Variants in C12orf42 observed in about 807,000 individuals in gnomAD.
C12orf42 encodes the protein uncharacterized protein C12orf42.
A neutral mutation model predicts 21.6 loss-of-function variants in C12orf42; 25 were observed. The ratio of observed to expected loss-of-function variants is 1.16; its 90% CI spans 0.84 to 1.62. The LOEUF is 1.62. Among genes scored for constraint, C12orf42 ranks in the 40% most tolerant of loss-of-function variants. The pLI, the probability that C12orf42 is intolerant of heterozygous loss-of-function variation, is 0.00. For missense variants in C12orf42, 483 were observed against 459.3 expected, an observed-to-expected ratio of 1.05 and a Z score of -0.47; for synonymous variants, 174 against 175.0, an observed-to-expected ratio of 0.99 and a Z score of 0.05.
intron 4 of C12orf42, among the ~76,000 whole-genome samples, chr12:103,330,147 G>T (rs2041113992): frequency 6.6e-6 from 1 of 152,002 alleles, no homozygotes; most frequent in Non-Finnish European, 1.5e-5. Context: ...TTCACATTCA[G>T]ACCGACAGCA....
At chr12:103,115,317 CATG>C in the C12orf42 span, among the ~76,000 whole-genome samples, 4 of 152,122 alleles carry the variant, frequency 2.6e-5, no homozygotes, top group Non-Finnish European at 5.9e-5. Flanking sequence ...GAAGTTTTAA[CATG>C]ATATTATGAG....
chr12:103,160,687 C>G, the C12orf42 span, among the ~76,000 whole-genome samples: 3 of 152,202 alleles, frequency 2.0e-5, no homozygotes, highest in Non-Finnish European at 4.4e-5. Context: ...CCAGCCCATA[C>G]TTCCTAAGGC....
At chr12:103,295,942 C>T (rs1302947721) in intron 4 of C12orf42, among the ~76,000 whole-genome samples, 3 of 151,680 alleles carry the variant, frequency 2.0e-5, no homozygotes, top group Admixed American at 1.3e-4. Flanking sequence ...TATACATGTG[C>T]CATGTTGGTG....
the C12orf42 span, among the ~76,000 whole-genome samples, chr12:103,092,944 C>T: frequency 6.6e-6 from 1 of 152,194 alleles, no homozygotes; most frequent in Non-Finnish European, 1.5e-5. Context: ...CTTCTGACTC[C>T]TCTCACCACT....
the C12orf42 span, among the ~76,000 whole-genome samples, chr12:103,187,531 A>G: frequency 2.0e-5 from 3 of 152,210 alleles, no homozygotes; most frequent in Non-Finnish European, 4.4e-5. Context: ...GCAAGTAAAG[A>G]TCTCTTTGCC....
At chr12:103,068,537 T>A in the C12orf42 span, among the ~76,000 whole-genome samples, 1 of 152,060 alleles carries the variant, frequency 6.6e-6, no homozygotes, top group Non-Finnish European at 1.5e-5. Flanking sequence ...AAAGTATTGA[T>A]CCTGGGTGTG....
At chr12:103,517,092 C>CA in the C12orf42 span, among the ~76,000 whole-genome samples, 1 of 152,100 alleles carries the variant, frequency 6.6e-6, no homozygotes, top group Non-Finnish European at 1.5e-5. Context: ...AGAACTTTGG[C>CA]AAAAAATCAG....
chr12:103,380,663 G>T (rs1347324560), intron 3 of C12orf42, among the ~76,000 whole-genome samples: 2 of 152,120 alleles, frequency 1.3e-5, no homozygotes, highest in East Asian at 1.9e-4. Context: ...TCTTGAAAGA[G>T]AAAAATAGCA....
At chr12:103,108,281 G>A in the C12orf42 span, among the ~76,000 whole-genome samples, 1 of 151,666 alleles carries the variant, frequency 6.6e-6, no homozygotes, top group South Asian at 2.1e-4. Flanking sequence ...TTAGAAAAGA[G>A]CAAAAAAGGA....
At chr12:103,075,969 A>G in the C12orf42 span, among the ~76,000 whole-genome samples, 1 of 152,148 alleles carries the variant, frequency 6.6e-6, no homozygotes, top group Non-Finnish European at 1.5e-5. Flanking sequence ...AAGGAAAGTA[A>G]TTGAGTTTGG....
the C12orf42 span, among the ~76,000 whole-genome samples, chr12:103,533,332 C>T: frequency 6.6e-6 from 1 of 152,150 alleles, no homozygotes; most frequent in Non-Finnish European, 1.5e-5. Context: ...GAAGACCTTC[C>T]AGCTAATCTG....
chr12:103,415,572 C>T (rs1353787783), intron 2 of C12orf42, among the ~76,000 whole-genome samples: 1 of 152,098 alleles, frequency 6.6e-6, no homozygotes, highest in Non-Finnish European at 1.5e-5. Context: ...GAAATCATAC[C>T]AAGAACACTC....
the C12orf42 span, among the ~76,000 whole-genome samples, chr12:103,102,261 G>T: frequency 3.0e-4 from 45 of 152,194 alleles, no homozygotes; most frequent in Non-Finnish European, 5.3e-4. Context: ...CTCTAATTTG[G>T]TTAAAAGAAT....
the C12orf42 span, among the ~76,000 whole-genome samples, chr12:103,082,281 A>T: frequency 6.6e-6 from 1 of 152,242 alleles, no homozygotes; most frequent in African/African-American, 2.4e-5. Context: ...AGAGGATGAA[A>T]TTGTTAATTA....
At chr12:103,286,065 G>A (rs1353463939) in intron 4 of C12orf42, among the ~76,000 whole-genome samples, 1 of 151,922 alleles carries the variant, frequency 6.6e-6, no homozygotes, top group Non-Finnish European at 1.5e-5. Flanking sequence ...TTGCTAACAC[G>A]GTGAAACATC....
At chr12:103,490,665 T>C (rs972991725) in intron 1 of C12orf42, among the ~76,000 whole-genome samples, 1 of 151,992 alleles carries the variant, frequency 6.6e-6, no homozygotes, top group South Asian at 2.1e-4. Context: ...CTCCTTGTTT[T>C]AATTGTAATT....
chr12:103,329,541 G>A (rs1054175287), intron 4 of C12orf42, among the ~76,000 whole-genome samples: 2 of 148,142 alleles, frequency 1.4e-5, no homozygotes, highest in Non-Finnish European at 3.0e-5. Flanking sequence ...AGAACTTAAA[G>A]TAAAATAAAA....
At chr12:103,200,265 T>C in the C12orf42 span, among the ~76,000 whole-genome samples, 1 of 152,152 alleles carries the variant, frequency 6.6e-6, no homozygotes, top group East Asian at 1.9e-4. Flanking sequence ...CCTTATATGA[T>C]AAATCTGGAT....
the C12orf42 span, among the ~76,000 whole-genome samples, chr12:103,107,340 G>T: frequency 6.6e-6 from 1 of 151,834 alleles, no homozygotes; most frequent in African/African-American, 2.4e-5. Flanking sequence ...TAAGCACACC[G>T]TTAACATTTA....
Sources: gnomAD v4.1 joint callset for allele counts (sites outside exome capture counted in the v4.1 genomes callset) on GRCh38, gnomAD v4.1.1 for gene constraint, MANE v1.5 for transcripts, NCBI Gene and HGNC (gene_info 2026-07-23, HGNC 2026-07-21) for gene names.